Variants in KCNQ1OT1 observed in about 807,000 individuals in gnomAD.
KCNQ1OT1 encodes KCNQ1 opposite strand/antisense transcript 1, also known as KCNQ1 antisense RNA 2 (non-protein coding).
chr11:2,626,704 T>C lies in KCNQ1OT1; in HGVS notation n.73291A>G. On this transcript the variant is annotated non_coding_transcript_exon_variant, in exon 1 of 1. Transcript: ENST00000597346. This position sits in a 1 kb window ranked among gnomAD's most constrained non-coding sequence, Gnocchi z 4.0. ...CCATTACACCTGGCCAATTATTTTA[T>C]TTTTTGTAGAGATGAGGTCTCCCTG... The C allele has an allele frequency of 2.6e-6, 1 of 385,876 alleles. No individual in the cohort carries two copies. The highest frequency in any genetic ancestry group is 4.4e-6 in the Non-Finnish European group (1 of 225,926). The allele number at this position is 385,876 out of a possible 1,614,324, so 23.9% of individuals were successfully genotyped here. A position where few individuals can be genotyped will look rare whatever the true frequency, so the allele number is the denominator to read the frequency against.
In KCNQ1OT1 at chr11:2,687,478, T is replaced by C. The variant is rs1850510137; in HGVS notation, n.12517A>G. On this transcript the variant is annotated non_coding_transcript_exon_variant, in exon 1 of 1. Transcript: ENST00000597346. This position sits in a 1 kb window ranked among gnomAD's most constrained non-coding sequence, Gnocchi z 5.0. Reference sequence around the variant, plus strand: ...CACAAGAGCTGCTGCAGCATTTCAATAGGGCCATCCCAGGCACCCTAGGAC... The same window carrying C: ...CACAAGAGCTGCTGCAGCATTTCAACAGGGCCATCCCAGGCACCCTAGGAC... 2 of 398,756 alleles carry C rather than the reference T, an allele frequency of 5.0e-6. No individual in the cohort carries two copies. Among genetic ancestry groups the C allele is most frequent in the Middle Eastern group, 6.3e-4 (1 of 1,592 alleles). The allele number at this position is 398,756 out of a possible 1,614,324, so 24.7% of individuals were successfully genotyped here. A position where few individuals can be genotyped will look rare whatever the true frequency, so the allele number is the denominator to read the frequency against.
rs1377347949 is a variant in KCNQ1OT1 at position 2,676,379 on chromosome 11, C to T, written n.23616G>A. The T allele has an allele frequency of 5.0e-6, 2 of 398,512 alleles. No individual in the cohort carries two copies. Among genetic ancestry groups the T allele is most frequent in the African/African-American group, 4.1e-5 (2 of 48,622 alleles). The allele number at this position is 398,512 out of a possible 1,614,324, so 24.7% of individuals were successfully genotyped here. ...GGGCTTCCAGTATAATTGGAAGGAGCATAGTCTCTGTGTTCAGCTAGAGAT... is the reference window on the plus strand; with the variant it reads ...GGGCTTCCAGTATAATTGGAAGGAGTATAGTCTCTGTGTTCAGCTAGAGAT... On this transcript the variant is annotated non_coding_transcript_exon_variant, in exon 1 of 1. Transcript: ENST00000597346. The surrounding 1 kb of genome is among the most constrained non-coding windows in gnomAD (Gnocchi z 4.2).
chr11:2,611,178 T>C lies in KCNQ1OT1; in HGVS notation n.88817A>G, dbSNP rs1848974666. ...GTAAAATGCTTCTCAGTATCTCTAA[T>C]AACATGGTTTGTTTTTAAAGTCTAT... is the stretch of plus-strand genomic sequence containing the variant. On this transcript the variant is annotated non_coding_transcript_exon_variant, in exon 1 of 1. Coordinates refer to ENST00000597346, the Ensembl canonical transcript of KCNQ1OT1. This position sits in a 1 kb window ranked among gnomAD's most constrained non-coding sequence, Gnocchi z 5.3. 2.5e-6 allele frequency: 1 copy of C among 398,560 alleles called. No individual in the cohort carries two copies. The highest frequency in any genetic ancestry group is 4.4e-6 in the Non-Finnish European group (1 of 226,040). The allele number at this position is 398,560 out of a possible 1,614,324, so 24.7% of individuals were successfully genotyped here.
Position 2,611,500 on chromosome 11 carries a change from C to G in KCNQ1OT1, n.88495G>C, listed in dbSNP as rs146407692. 0.011 allele frequency: 4,201 copies of G among 398,404 alleles called. 40 individuals are homozygous for G. The highest frequency in any genetic ancestry group is 0.016 in the Non-Finnish European group (3,631 of 226,082). The allele number at this position is 398,404 out of a possible 1,614,324, so 24.7% of individuals were successfully genotyped here. On this transcript the variant is annotated non_coding_transcript_exon_variant, in exon 1 of 1. Coordinates refer to ENST00000597346, the Ensembl canonical transcript of KCNQ1OT1. The surrounding 1 kb of genome is among the most constrained non-coding windows in gnomAD (Gnocchi z 5.3). ...ATGCTGGGATTACAGGTGTGAGCCA[C>G]TGCACCCAGCCAATTTTGTCTGATT...
At chr11:2,680,060 A>ATT (rs563953512) in exon 1 of KCNQ1OT1, 28 of 320,584 alleles carry the variant, frequency 8.7e-5, no homozygotes, top group Non-Finnish European at 8.4e-5. Context: ...TGACTGGCTA[A>ATT]TTTTTTTTTT....
In KCNQ1OT1 at chr11:2,651,893, C is replaced by T. The variant is rs771975282; in HGVS notation, n.48102G>A. On this transcript the variant is annotated non_coding_transcript_exon_variant, in exon 1 of 1. Transcript: ENST00000597346. This position sits in a 1 kb window ranked among gnomAD's most constrained non-coding sequence, Gnocchi z 6.1. The stretch of plus-strand genomic sequence containing the variant: ...GTGTTCAGGCTGAGGGGGTCATAGC[C>T]GAGGGTCCCTCTGGGGCCGCTTGCT... 1.3e-5 allele frequency: 5 copies of T among 398,588 alleles called. No homozygotes were observed. The South Asian group carries it at 3.8e-4, about 30-fold the overall frequency. The allele number at this position is 398,588 out of a possible 1,614,324, so 24.7% of individuals were successfully genotyped here.
chr11:2,688,638 G>A lies in KCNQ1OT1; in HGVS notation n.11357C>T, dbSNP rs1365055376. On this transcript the variant is annotated non_coding_transcript_exon_variant, in exon 1 of 1. Coordinates refer to ENST00000597346, the Ensembl canonical transcript of KCNQ1OT1. ...CTGTGCCTGGGTGAGCTCTGGACCT[G>A]CCTCCTAAACATAGGGCTGCCTGCT... The A allele has an allele frequency of 2.3e-5, 9 of 398,792 alleles. No homozygotes were observed. The East Asian group carries it at 2.8e-4, about 13-fold the overall frequency. 24.7% of individuals were successfully genotyped at this position (398,792 alleles called of 1,614,324 possible).
At chr11:2,672,908 G>T (rs181309618) in exon 1 of KCNQ1OT1, 2 of 398,766 alleles carry the variant, frequency 5.0e-6, no homozygotes, top group Non-Finnish European at 8.8e-6. Context: ...GGCACTTGAG[G>T]CCTTGGGCTG....
chr11:2,614,864 ATTGT>A (rs1302632468), exon 1 of KCNQ1OT1: 4 of 398,244 alleles, frequency 1.0e-5, no homozygotes, highest in African/African-American at 2.1e-5. Flanking sequence ...ATGATTTTAG[ATTGT>A]TTGGGGCCCT....
chr11:2,697,297 A>C (rs201239388), exon 1 of KCNQ1OT1: 1 of 398,476 alleles, frequency 2.5e-6, no homozygotes, highest in African/African-American at 2.1e-5. Context: ...TAACACCAAA[A>C]TGTTTGAGAA....
rs570982388 is a variant in KCNQ1OT1, at chr11:2,656,409, T to C, written n.43586A>G. ...AAGGATGTCATGGGCACAGAGCCCT[T>C]TCACTCTGAGCCCTTCTCCTGGCTG... On this transcript the variant is annotated non_coding_transcript_exon_variant, in exon 1 of 1. Transcript: ENST00000597346. 1.3e-4 allele frequency: 50 copies of C among 398,664 alleles called. No homozygotes were observed. In the Admixed American group the frequency reaches 2.1e-3, roughly 16 times the overall value. The allele number at this position is 398,664 out of a possible 1,614,324, so 24.7% of individuals were successfully genotyped here. A position where few individuals can be genotyped will look rare whatever the true frequency, so the allele number is the denominator to read the frequency against.
chr11:2,667,026 C>T (rs1012104925), exon 1 of KCNQ1OT1: 1 of 398,688 alleles, frequency 2.5e-6, no homozygotes, highest in Non-Finnish European at 4.4e-6. Flanking sequence ...CCGTCAGAGC[C>T]CCACATAGCC....
At chr11:2,635,545 C>CT (rs1849449963) in exon 1 of KCNQ1OT1, 1 of 152,140 alleles carries the variant, frequency 6.6e-6, no homozygotes, top group Admixed American at 6.6e-5. Flanking sequence ...GTCTATATCT[C>CT]TGTTTTGGTA....
At chr11:2,694,248 G>A (rs1350386065) in exon 1 of KCNQ1OT1, 2 of 398,688 alleles carry the variant, frequency 5.0e-6, no homozygotes, top group Middle Eastern at 6.3e-4. Flanking sequence ...GCAAGCCAGG[G>A]CCTGCTGCCT....
chr11:2,630,161 A>G (rs1849329824), exon 1 of KCNQ1OT1: 1 of 398,228 alleles, frequency 2.5e-6, no homozygotes, highest in Non-Finnish European at 4.4e-6. Flanking sequence ...CATTATTTGC[A>G]CTTATCAAAA....
exon 1 of KCNQ1OT1, chr11:2,615,010 C>G (rs1849038546): frequency 2.5e-6 from 1 of 398,282 alleles, no homozygotes; most frequent in African/African-American, 2.1e-5. Context: ...AATATTTAAT[C>G]TTCCAATCTG....
rs1850518094 is a variant in KCNQ1OT1, at chr11:2,687,882, C to T, written n.12113G>A. 5.0e-6 allele frequency: 2 copies of T among 398,704 alleles called. No individual in the cohort carries two copies. The highest frequency in any genetic ancestry group is 3.6e-5 in the East Asian group (1 of 28,072). The allele number at this position is 398,704 out of a possible 1,614,324, so 24.7% of individuals were successfully genotyped here. A position where few individuals can be genotyped will look rare whatever the true frequency, so the allele number is the denominator to read the frequency against. On this transcript the variant is annotated non_coding_transcript_exon_variant, in exon 1 of 1. Coordinates refer to ENST00000597346, the Ensembl canonical transcript of KCNQ1OT1. The surrounding 1 kb of genome is among the most constrained non-coding windows in gnomAD (Gnocchi z 5.0). The stretch of plus-strand genomic sequence containing the variant: ...CTCAAAGGCTGGACTTGGGGTGTCC[C>T]GCGGAAATCCTGGTGGGATGGAAAA...
exon 1 of KCNQ1OT1, chr11:2,639,429 C>T (rs1394421323): frequency 6.6e-6 from 1 of 152,234 alleles, no homozygotes; most frequent in Non-Finnish European, 1.5e-5. Flanking sequence ...TTCCTTCTAA[C>T]AGTCAGGACC....
At chr11:2,692,723 TCCC>T in exon 1 of KCNQ1OT1, 1 of 398,650 alleles carries the variant, frequency 2.5e-6, no homozygotes, top group Non-Finnish European at 4.4e-6. Context: ...GGTAGGCAGG[TCCC>T]TGCTCCTATC....
Sources: allele counts gnomAD v4.1 joint callset, GRCh38; gene constraint gnomAD v4.1.1; non-coding constraint Gnocchi (gnomAD v3.1); transcripts MANE v1.5; gene names NCBI Gene and HGNC (gene_info 2026-07-23, HGNC 2026-07-21).